CRHR1: variants seen among roughly 807,000 people sequenced by gnomAD.
CRHR1 encodes corticotropin releasing hormone receptor 1, also known as corticotropin-releasing hormone receptor 1.
CRHR1 carries 28 observed loss-of-function variants against 56.0 expected under a neutral mutation model. The ratio of observed to expected loss-of-function variants is 0.50; its 90% confidence interval spans 0.37 to 0.69. The LOEUF is 0.69. CRHR1 is among the 30% of genes least tolerant of loss of function. CRHR1 has a pLI of 0.00. For missense variants in CRHR1, 376 were observed against 548.0 expected (o/e 0.69, Z 3.13); for synonymous variants, 195 against 216.5 (o/e 0.90, Z 0.87).
intron 3 of CRHR1, among the ~76,000 whole-genome samples, chr17:45,820,357 G>A (rs952062210): frequency 6.6e-6 from 1 of 152,212 alleles, no homozygotes; most frequent in African/African-American, 2.4e-5. Flanking sequence ...TAGAACTCAT[G>A]CTGTCCCTTC....
intron 3 of CRHR1, among the ~76,000 whole-genome samples, chr17:45,819,405 A>G (rs2061993939): frequency 6.6e-6 from 1 of 152,266 alleles, no homozygotes; most frequent in Admixed American, 6.5e-5. Context: ...CGCTCTTAGC[A>G]CTACTCCATG....
chr17:45,787,421 ACAGGAGAGTGAGCTCC>A (rs2061356136), intron 1 of CRHR1, among the ~76,000 whole-genome samples: 1 of 152,220 alleles, frequency 6.6e-6, no homozygotes, highest in Non-Finnish European at 1.5e-5. Flanking sequence ...ATGGATTCTA[ACAGGAGAGTGAGCTCC>A]CAGGAGGGAG....
chr17:45,832,409 A>T (rs2062335282), intron 8 of CRHR1, among the ~76,000 whole-genome samples: 1 of 152,228 alleles, frequency 6.6e-6, no homozygotes, highest in Non-Finnish European at 1.5e-5. Flanking sequence ...GGCCCTCAGA[A>T]GCTGTGTGTG....
At chr17:45,797,008 G>A (rs900017992) in intron 1 of CRHR1, among the ~76,000 whole-genome samples, 1 of 152,250 alleles carries the variant, frequency 6.6e-6, no homozygotes, top group Non-Finnish European at 1.5e-5. Context: ...TGGGAGCTAC[G>A]CTCCGGGCAC....
chr17:45,832,399 G>T (rs759664375), intron 8 of CRHR1, among the ~76,000 whole-genome samples: 1 of 152,180 alleles, frequency 6.6e-6, no homozygotes, highest in African/African-American at 2.4e-5. Context: ...GACTGGACCC[G>T]GCCCTCAGAA....
chr17:45,821,100 G>C (rs1489193518), intron 3 of CRHR1, among the ~76,000 whole-genome samples: 1 of 152,264 alleles, frequency 6.6e-6, no homozygotes, highest in Non-Finnish European at 1.5e-5. Flanking sequence ...GGCCAGTCCT[G>C]TGGGCATGAT....
chr17:45,826,303 C>G (rs924180813), intron 4 of CRHR1: 2 of 152,224 alleles, frequency 1.3e-5, no homozygotes, highest in Admixed American at 1.3e-4. Flanking sequence ...CTAAATAATG[C>G]TGGCCAGAAC....
intron 1 of CRHR1, among the ~76,000 whole-genome samples, chr17:45,789,261 C>G (rs998456197): frequency 2.6e-4 from 39 of 152,326 alleles, no homozygotes; most frequent in African/African-American, 8.9e-4. Context: ...AACGTAAGGC[C>G]AGGTCGAGAT....
intron 2 of CRHR1, among the ~76,000 whole-genome samples, chr17:45,814,615 G>A (rs544976613): frequency 6.6e-6 from 1 of 152,130 alleles, no homozygotes; most frequent in African/African-American, 2.4e-5. Context: ...CCCTCCCCGC[G>A]GCCACATGCC....
chr17:45,804,596 A>G (rs952859911), intron 1 of CRHR1, among the ~76,000 whole-genome samples: 1 of 151,998 alleles, frequency 6.6e-6, no homozygotes, highest in Non-Finnish European at 1.5e-5. Flanking sequence ...GAACATGGAA[A>G]AGGCAGGTCA....
At chr17:45,804,536 G>T (rs1282562961) in intron 1 of CRHR1, among the ~76,000 whole-genome samples, 2 of 152,220 alleles carry the variant, frequency 1.3e-5, no homozygotes, top group South Asian at 4.1e-4. Flanking sequence ...CGTGAAAGGG[G>T]GTGGCCCTGG....
intron 1 of CRHR1, among the ~76,000 whole-genome samples, chr17:45,803,783 C>CGCGT (rs1568040445): frequency 6.7e-5 from 5 of 74,756 alleles, no homozygotes; most frequent in East Asian, 3.0e-3. Context: ...TGTGCGTGCG[C>CGCGT]GTGCGCGTGT....
rs530492841 is a variant in CRHR1 at position 45,813,041 on chromosome 17, C to T, written c.122-3422C>T. ...CCCTGGACTCGGTGTCCGCAGGACG[C>T]AGGATGGCGATCTGAAATCCTTGTG... On this transcript the variant is annotated intron_variant, in intron 2 of 12. Transcript: ENST00000314537. 3.3e-5 allele frequency among the ~76,000 whole-genome samples: 5 copies of T among 152,314 alleles called. No homozygotes were observed. The East Asian group carries it at 7.7e-4, about 24-fold the overall frequency.
intron 4 of CRHR1, among the ~76,000 whole-genome samples, chr17:45,824,299 T>C (rs80067508): frequency 0.056 from 8,491 of 152,230 alleles, 423 homozygotes; most frequent in East Asian, 0.24. Flanking sequence ...CACACGCCAT[T>C]GCAGAGAGGG....
intron 9 of CRHR1, 41 bp downstream of exon 9, chr17:45,833,251 G>A (rs769412850): frequency 2.5e-6 from 4 of 1,600,782 alleles, no homozygotes; most frequent in Non-Finnish European, 3.4e-6. Flanking sequence ...GCCCAGTGGG[G>A]AGGGGCAATC....
intron 8 of CRHR1, among the ~76,000 whole-genome samples, chr17:45,831,864 G>A (rs949569024): frequency 5.9e-5 from 9 of 152,186 alleles, no homozygotes; most frequent in Non-Finnish European, 1.3e-4. Context: ...CCCATGGAGG[G>A]GAGGGGGCCT....
chr17:45,829,185 G>T, intron 4 of CRHR1, 30 bp from the exon 5 acceptor site: 1 of 1,559,924 alleles, frequency 6.4e-7, no homozygotes, highest in African/African-American at 1.4e-5. Context: ...CCAGCAGAAG[G>T]CTCACCTCTG....
chr17:45,795,808 T>C (rs867789181), intron 1 of CRHR1, among the ~76,000 whole-genome samples: 23 of 152,238 alleles, frequency 1.5e-4, no homozygotes, highest in Non-Finnish European at 2.6e-4. Context: ...TCACTGCCTT[T>C]ACAAGCAAAG....
At chr17:45,819,224 C>T (rs887037344) in intron 3 of CRHR1, among the ~76,000 whole-genome samples, 5 of 152,226 alleles carry the variant, frequency 3.3e-5, no homozygotes, top group African/African-American at 7.2e-5. Flanking sequence ...CAGTTCCAAG[C>T]ACCTTGTGCA....
Sources: allele counts gnomAD v4.1 joint callset (sites outside exome capture counted in the v4.1 genomes callset), GRCh38; gene constraint gnomAD v4.1.1; transcripts MANE v1.5; gene names NCBI Gene and HGNC (gene_info 2026-07-23, HGNC 2026-07-21).